The following PTPRT variants were observed in gnomAD, a reference collection of about 807,000 sequenced individuals.
The protein encoded by PTPRT is receptor-type tyrosine-protein phosphatase T.
PTPRT carries 56 observed loss-of-function variants against 176.8 expected under a neutral mutation model. That is an observed-to-expected ratio of 0.32 (90% confidence interval 0.26 to 0.40). The LOEUF (loss-of-function observed/expected upper bound fraction) is 0.40. Ranked by LOEUF, PTPRT falls within the 10% of genes least tolerant of loss-of-function variation. The pLI is 1.00. For synonymous variants in PTPRT, 783 were observed against 739.0 expected (o/e 1.06, Z -0.96); for missense variants, 1,540 against 1,908.2 (o/e 0.81, Z 3.60).
intron 14 of PTPRT, 83 bp downstream of exon 14, chr20:42,248,604 C>G: frequency 6.6e-7 from 1 of 1,520,714 alleles, no homozygotes; most frequent in Non-Finnish European, 9.0e-7. Context: ...GGACAATGAT[C>G]AACAGAGCAA....
At chr20:42,172,900 A>G (rs1419686243) in intron 16 of PTPRT, among the ~76,000 whole-genome samples, 1 of 152,176 alleles carries the variant, frequency 6.6e-6, no homozygotes, top group Non-Finnish European at 1.5e-5. Context: ...GACTGCAGCA[A>G]TAATGAAAAG....
At chr20:42,655,055 G>A (rs1469031898) in intron 7 of PTPRT, among the ~76,000 whole-genome samples, 1 of 152,154 alleles carries the variant, frequency 6.6e-6, no homozygotes, top group Admixed American at 6.5e-5. Flanking sequence ...AATGAGACAT[G>A]TAATACCCCT....
At chr20:43,186,233 G>A (rs142693543) in intron 1 of PTPRT, among the ~76,000 whole-genome samples, 19 of 152,332 alleles carry the variant, frequency 1.2e-4, no homozygotes, top group East Asian at 1.9e-4. Flanking sequence ...GCCCAAGCCG[G>A]CATAGGTAGA....
chr20:43,048,763 C>G (rs1326267859), intron 1 of PTPRT, among the ~76,000 whole-genome samples: 1 of 152,218 alleles, frequency 6.6e-6, no homozygotes, highest in Non-Finnish European at 1.5e-5. Flanking sequence ...TGCTCCACAA[C>G]AGAGAGGCAA....
At chr20:42,651,993 AGCCGAGATGGT>A (rs1349449637) in intron 7 of PTPRT, among the ~76,000 whole-genome samples, 1 of 152,070 alleles carries the variant, frequency 6.6e-6, no homozygotes, top group East Asian at 1.9e-4. Context: ...GGTTGCAGTG[AGCCGAGATGGT>A]GCCACTGCAC....
chr20:42,383,674 C>A (rs117122656), intron 9 of PTPRT, among the ~76,000 whole-genome samples: 4 of 152,216 alleles, frequency 2.6e-5, no homozygotes, highest in Non-Finnish European at 5.9e-5. Context: ...TATATTTTGT[C>A]CCCTAAGAAT....
chr20:42,857,736 TC>T (rs1470218357), intron 2 of PTPRT, among the ~76,000 whole-genome samples: 14 of 152,220 alleles, frequency 9.2e-5, no homozygotes, highest in Non-Finnish European at 1.8e-4. Flanking sequence ...TCCTGAGTCA[TC>T]CAACATCGTA....
chr20:43,186,662 A>G (rs753194673), intron 1 of PTPRT, among the ~76,000 whole-genome samples: 11 of 152,224 alleles, frequency 7.2e-5, no homozygotes, highest in Non-Finnish European at 1.2e-4. Flanking sequence ...ACCCAAGAAT[A>G]TGGTCTGCTT....
At chr20:42,682,786 G>T (rs149354447) in intron 6 of PTPRT, among the ~76,000 whole-genome samples, 1 of 152,248 alleles carries the variant, frequency 6.6e-6, no homozygotes, top group East Asian at 1.9e-4. Context: ...ATGGTGAAGT[G>T]ACCCCTTCCT....
chr20:43,124,716 G>A (rs944797027), intron 1 of PTPRT, among the ~76,000 whole-genome samples: 5 of 152,130 alleles, frequency 3.3e-5, no homozygotes, highest in East Asian at 1.9e-4. Context: ...TTCTACATCC[G>A]TGTAGAAAAC....
intron 23 of PTPRT, among the ~76,000 whole-genome samples, chr20:42,108,121 A>AAATT (rs1986643757): frequency 6.6e-6 from 1 of 151,666 alleles, no homozygotes; most frequent in African/African-American, 2.4e-5. Context: ...ATTTGGTTCC[A>AAATT]AATTTTGGAA....
In PTPRT at chr20:43,108,335, C is replaced by A. The variant is rs151104509; in HGVS notation, c.88+81311G>T. ...ACAATCTGGTTGATAGTTCCAGCTG[C>A]GTGCCAAGCTGATGCCCAGTATCAA... On this transcript the variant is annotated intron_variant, in intron 1 of 30. Coordinates refer to ENST00000373187, the MANE Select transcript of PTPRT (RefSeq NM_007050.6). Among the ~76,000 whole-genome samples, 6 of 152,254 alleles carry A rather than the reference C, an allele frequency of 3.9e-5. No homozygotes were observed. The East Asian group carries it at 1.2e-3, about 29-fold the overall frequency.
At chr20:42,575,687 A>G (rs1220170681) in intron 7 of PTPRT, among the ~76,000 whole-genome samples, 1 of 152,174 alleles carries the variant, frequency 6.6e-6, no homozygotes, top group Admixed American at 6.5e-5. Context: ...AAAACTTACA[A>G]CACTAGGCAG....
At chr20:42,104,813 A>G in intron 24 of PTPRT, 95 bp from the exon 25 acceptor site, 1 of 1,311,032 alleles carries the variant, frequency 7.6e-7, no homozygotes, top group Non-Finnish European at 1.1e-6. Flanking sequence ...TGAAGAATAG[A>G]CATGATTTAT....
intron 14 of PTPRT, among the ~76,000 whole-genome samples, chr20:42,240,581 T>C (rs1331640230): frequency 1.3e-5 from 2 of 152,168 alleles, no homozygotes; most frequent in African/African-American, 4.8e-5. Context: ...CAGGACAAAG[T>C]TGTCTATCTA....
At chr20:42,733,106 G>A (rs1318574515) in intron 6 of PTPRT, among the ~76,000 whole-genome samples, 3 of 152,064 alleles carry the variant, frequency 2.0e-5, no homozygotes, top group Non-Finnish European at 2.9e-5. Flanking sequence ...ACTTCAATAC[G>A]CTGGCACATG....
At chr20:42,688,689 T>C (rs1252153838) in intron 6 of PTPRT, 3 of 152,126 alleles carry the variant, frequency 2.0e-5, no homozygotes, top group Non-Finnish European at 4.4e-5. Flanking sequence ...AATTAGTGAG[T>C]GTGCTGGGAT....
chr20:42,141,630 G>A (rs760815554), intron 18 of PTPRT, among the ~76,000 whole-genome samples: 5 of 152,134 alleles, frequency 3.3e-5, no homozygotes, highest in Non-Finnish European at 5.9e-5. Context: ...GGCAATGCTC[G>A]GTGAGACCCA....
chr20:42,528,195 C>T (rs1601197734), intron 7 of PTPRT, among the ~76,000 whole-genome samples: 1 of 152,106 alleles, frequency 6.6e-6, no homozygotes, highest in Admixed American at 6.5e-5. Context: ...ATCTTTCTCT[C>T]ACATTTTGCC....
Sources: allele counts gnomAD v4.1 joint callset (sites outside exome capture counted in the v4.1 genomes callset), GRCh38; gene constraint gnomAD v4.1.1; transcripts MANE v1.5; gene names NCBI Gene and HGNC (gene_info 2026-07-23, HGNC 2026-07-21).